The following STAT5A variants were observed in gnomAD, a reference collection of about 807,000 sequenced individuals.
The protein encoded by STAT5A is epididymis secretory sperm binding protein.
STAT5A carries 26 observed loss-of-function variants against 100.2 expected under a neutral mutation model. That is an observed-to-expected ratio of 0.26 (90% CI 0.19 to 0.36). The LOEUF (loss-of-function observed/expected upper bound fraction) is 0.36. Among genes scored for constraint, STAT5A ranks in the 10% least tolerant of loss-of-function variants. The pLI is 1.00. For missense variants in STAT5A, 634 were observed against 1,027.5 expected (o/e 0.62, Z 5.24); for synonymous variants, 330 against 424.3 (o/e 0.78, Z 2.73).
rs531838660 is a variant in STAT5A, at chr17:42,299,610, G to C, written c.551-141G>C. ...AGGCGCCATTCATCTTGGCCCCCCT[G>C]GCTGTCAGGAACCCCGACTTGCTCT... On this transcript the variant is annotated intron_variant, in intron 5 of 18. Transcript: ENST00000590949. 4.9e-5 allele frequency: 69 copies of C among 1,405,256 alleles called. No homozygotes were observed. In the Admixed American group the frequency reaches 1.2e-3, roughly 24 times the overall value. The allele number at this position is 1,405,256 out of a possible 1,614,324, so 87.0% of individuals were successfully genotyped here.
At chr17:42,306,547 C>G in intron 13 of STAT5A, 100 bp downstream of exon 13, 6 of 1,513,566 alleles carry the variant, frequency 4.0e-6, no homozygotes, top group Non-Finnish European at 4.5e-6. Flanking sequence ...ACCCCACTCT[C>G]CACCCCCAAC....
chr17:42,290,409 A>G (rs1313901402), intron 3 of STAT5A, among the ~76,000 whole-genome samples: 1 of 152,182 alleles, frequency 6.6e-6, no homozygotes, highest in African/African-American at 2.4e-5. Flanking sequence ...CCCAGAGACA[A>G]GAGCTGGACA....
At chr17:42,309,554 G>A (rs2081060900) in intron 18 of STAT5A, 70 bp downstream of exon 18, 1 of 1,509,042 alleles carries the variant, frequency 6.6e-7, no homozygotes, top group Non-Finnish European at 9.1e-7. Flanking sequence ...ACTCCTGGAG[G>A]GCTGGCGGGC....
At chr17:42,298,905 A>G (rs1370325073) in intron 5 of STAT5A, among the ~76,000 whole-genome samples, 2 of 151,992 alleles carry the variant, frequency 1.3e-5, no homozygotes, top group East Asian at 1.9e-4. Flanking sequence ...CCCTTTCCTG[A>G]GAGAATCTTG....
At position 42,308,215 on chromosome 17, in the gene STAT5A, G is replaced by T. The variant is rs145852803; in HGVS notation, c.1944G>T (p.Thr648=). ...TGTGGAACCTGAAACCATTCACCAC[G>T]CGGGATTTCTCCATCAGGTCCCTGG... is the stretch of plus-strand genomic sequence containing the variant. ...RNLWNLKPFT[T]RDFSIRSLAD... The change falls in exon 16 of 19, where the codon ACG becomes ACT. Residue 648 remains threonine (T), a synonymous_variant. Coordinates refer to ENST00000590949, the MANE Select transcript of STAT5A (RefSeq NM_001288718.2). This position sits in a 1 kb window ranked among gnomAD's most constrained non-coding sequence, Gnocchi z 4.6. 484 of 1,614,076 alleles carry T rather than the reference G, an allele frequency of 3.0e-4. 2 individuals carry two copies. The highest frequency in any genetic ancestry group is 6.6e-4 in the Middle Eastern group (4 of 6,084).
At chr17:42,294,745 G>C (rs951207272) in intron 4 of STAT5A, among the ~76,000 whole-genome samples, 1 of 152,196 alleles carries the variant, frequency 6.6e-6, no homozygotes, top group African/African-American at 2.4e-5. Context: ...CCAGCGAGCT[G>C]GGGTTGGAGG....
chr17:42,289,684 G>T (rs946249085), intron 2 of STAT5A, 145 bp downstream of exon 2: 34 of 1,414,948 alleles, frequency 2.4e-5, no homozygotes, highest in Non-Finnish European at 3.0e-5. Flanking sequence ...TGGGAAAGGG[G>T]AAGCCTGGGA....
rs749709057 is a variant in STAT5A, at chr17:42,305,713, G to T, written c.1473+11G>T. 6.2e-7 allele frequency: 1 copy of T among 1,613,596 alleles called. No homozygotes were observed. The highest frequency in any genetic ancestry group is 1.3e-5 in the African/African-American group (1 of 75,022). On this transcript the variant is annotated intron_variant, in intron 12 of 18. Transcript: ENST00000590949. Reference sequence around the variant, plus strand: ...GCCTTTGCTGAGCCGGTGAGTCCCCGTGGGAGCCCTACCCCAGCACCCCCA... The same window carrying T: ...GCCTTTGCTGAGCCGGTGAGTCCCCTTGGGAGCCCTACCCCAGCACCCCCA...
rs958506399 is a variant in STAT5A, at chr17:42,310,861, G to A, written c.*192G>A. On this transcript the variant is annotated 3_prime_UTR_variant, in exon 19 of 19. Coordinates refer to ENST00000590949, the MANE Select transcript of STAT5A (RefSeq NM_001288718.2). ...AGTCCTGGGATGTGGCTGCAGCAGC[G>A]GTGGCCTCTTTTCAGATCATGGCAT... 2.4e-5 allele frequency: 23 copies of A among 970,802 alleles called. No homozygotes were observed. Among genetic ancestry groups the A allele is most frequent in the East Asian group, 1.3e-4 (5 of 37,650 alleles). 60.1% of individuals were successfully genotyped at this position (970,802 alleles called of 1,614,324 possible). A position where few individuals can be genotyped will look rare whatever the true frequency, so the allele number is the denominator to read the frequency against.
intron 1 of STAT5A, 126 bp from the exon 2 acceptor site, chr17:42,289,276 A>C (rs929136192): frequency 9.3e-7 from 1 of 1,078,024 alleles, no homozygotes; most frequent in Non-Finnish European, 1.3e-6. Flanking sequence ...CAGGAAAGCT[A>C]TCTGTGGGAG....
rs1276766233 is a variant in STAT5A at position 42,308,511 on chromosome 17, G to A, written c.2062+178G>A. 6.3e-6 allele frequency: 5 copies of A among 794,472 alleles called. No individual in the cohort carries two copies. The highest frequency in any genetic ancestry group is 1.7e-5 in the African/African-American group (1 of 57,402). The allele number at this position is 794,472 out of a possible 1,614,324, so 49.2% of individuals were successfully genotyped here. A position where few individuals can be genotyped will look rare whatever the true frequency, so the allele number is the denominator to read the frequency against. On this transcript the variant is annotated intron_variant, in intron 16 of 18. Coordinates refer to ENST00000590949, the MANE Select transcript of STAT5A (RefSeq NM_001288718.2). The surrounding 1 kb of genome is among the most constrained non-coding windows in gnomAD (Gnocchi z 4.6). Reference sequence around the variant, plus strand: ...TTTCAGGGCTCACAAATGAGGAGAGGGAACGAGAAACCCGTCCCAGCTCTC... The same window carrying A: ...TTTCAGGGCTCACAAATGAGGAGAGAGAACGAGAAACCCGTCCCAGCTCTC...
Position 42,288,764 on chromosome 17 carries a change from G to A in STAT5A, c.-11+166G>A, listed in dbSNP as rs56894148. 0.018 allele frequency among the ~76,000 whole-genome samples: 2,748 copies of A among 152,326 alleles called. 90 individuals are homozygous for A. The highest frequency in any genetic ancestry group is 0.064 in the African/African-American group (2,647 of 41,574). ...GCGCAGACGAGGGACGGGGGGACGTGGGGACAGGGGTCGGGGATGAAAGGC... is the reference window on the plus strand; with the variant it reads ...GCGCAGACGAGGGACGGGGGGACGTAGGGACAGGGGTCGGGGATGAAAGGC... On this transcript the variant is annotated intron_variant, in intron 1 of 18. Coordinates refer to ENST00000590949, the MANE Select transcript of STAT5A (RefSeq NM_001288718.2). This position sits in a 1 kb window ranked among gnomAD's most constrained non-coding sequence, Gnocchi z 4.8.
At position 42,298,620 on chromosome 17, in the gene STAT5A, C is replaced by T. The variant is rs147373280; in HGVS notation, c.551-1131C>T. Among the ~76,000 whole-genome samples the T allele has an allele frequency of 1.9e-3, 283 of 152,118 alleles. 5 individuals carry two copies. Among genetic ancestry groups the T allele is most frequent in the East Asian group, 0.012 (63 of 5,162 alleles). On this transcript the variant is annotated intron_variant, in intron 5 of 18. Coordinates refer to ENST00000590949, the MANE Select transcript of STAT5A (RefSeq NM_001288718.2). The stretch of plus-strand genomic sequence containing the variant: ...CCTAGTAGCTGGAACTACAGGCACC[C>T]GCCACCATGCCCGGCTAATTTTTTG...
In STAT5A at chr17:42,303,401, G is replaced by A. The variant is rs569480016; in HGVS notation, c.1170-941G>A. Among the ~76,000 whole-genome samples, 10 of 151,784 alleles carry A rather than the reference G, an allele frequency of 6.6e-5. No homozygotes were observed. In the South Asian group the frequency reaches 2.1e-3, roughly 32 times the overall value. ...CAGGGCCAACCAGTGATAGACACTGGAAAAGAAGTTAAGACAGAGCAATCT... is the reference window on the plus strand; with the variant it reads ...CAGGGCCAACCAGTGATAGACACTGAAAAAGAAGTTAAGACAGAGCAATCT... On this transcript the variant is annotated intron_variant, in intron 9 of 18. Coordinates refer to ENST00000590949, the MANE Select transcript of STAT5A (RefSeq NM_001288718.2).
chr17:42,298,171 T>G (rs1372829823), intron 5 of STAT5A, among the ~76,000 whole-genome samples: 2 of 149,308 alleles, frequency 1.3e-5, no homozygotes, highest in African/African-American at 4.9e-5. Flanking sequence ...AATGGATACT[T>G]TTTTTTTTTT....
chr17:42,307,966 C>A (rs1471797353), intron 15 of STAT5A, among the ~76,000 whole-genome samples: 1 of 152,228 alleles, frequency 6.6e-6, no homozygotes, highest in East Asian at 1.9e-4. Flanking sequence ...TCACGCTCTC[C>A]CCTCTCTGCC....
In STAT5A at chr17:42,288,754, G is replaced by A. The variant is rs1000753273; in HGVS notation, c.-11+156G>A. ...AGTTGGCCCAGCGCAGACGAGGGAC[G>A]GGGGGACGTGGGGACAGGGGTCGGG... On this transcript the variant is annotated intron_variant, in intron 1 of 18. Transcript: ENST00000590949. This position sits in a 1 kb window ranked among gnomAD's most constrained non-coding sequence, Gnocchi z 4.8. Among the ~76,000 whole-genome samples, 1 of 152,186 alleles carries A rather than the reference G, an allele frequency of 6.6e-6. No homozygotes were observed. The highest frequency in any genetic ancestry group is 2.4e-5 in the African/African-American group (1 of 41,446).
intron 9 of STAT5A, among the ~76,000 whole-genome samples, chr17:42,301,947 T>G (rs2080984276): frequency 6.6e-6 from 1 of 152,096 alleles, no homozygotes; most frequent in Non-Finnish European, 1.5e-5. Context: ...GGTCGGAGGA[T>G]CACTTGAGCC....
chr17:42,302,948 G>T (rs1262975934), intron 9 of STAT5A, among the ~76,000 whole-genome samples: 1 of 138,074 alleles, frequency 7.2e-6, no homozygotes, highest in East Asian at 2.3e-4. Context: ...GCAAGACTCT[G>T]TTTAAAAAAA....
Sources: allele counts gnomAD v4.1 joint callset (sites outside exome capture counted in the v4.1 genomes callset), GRCh38; gene constraint gnomAD v4.1.1; non-coding constraint Gnocchi (gnomAD v3.1); transcripts MANE v1.5; gene names NCBI Gene and HGNC (gene_info 2026-07-23, HGNC 2026-07-21).